Variants in CHST11 observed in about 807,000 individuals in gnomAD.
CHST11 encodes carbohydrate sulfotransferase 11.
Under a neutral mutation model 30.4 loss-of-function variants are expected in CHST11, and 9 were observed. The ratio of observed to expected loss-of-function variants is 0.30; its 90% CI spans 0.18 to 0.52. The LOEUF (loss-of-function observed/expected upper bound fraction) is 0.52. Among genes scored for constraint, CHST11 ranks in the 20% least tolerant of loss-of-function variants. CHST11 has a pLI of 0.97. For missense variants in CHST11, 348 were observed against 460.6 expected (o/e 0.76, Z 2.24); for synonymous variants, 152 against 187.8 (o/e 0.81, Z 1.56).
chr12:104,727,534 T>G (rs1396747336), intron 2 of CHST11, among the ~76,000 whole-genome samples: 1 of 152,166 alleles, frequency 6.6e-6, no homozygotes, highest in Non-Finnish European at 1.5e-5. Flanking sequence ...GGAGCAGTGT[T>G]TTGGGTATTG....
intron 1 of CHST11, among the ~76,000 whole-genome samples, chr12:104,508,490 TG>T (rs1394723751): frequency 6.6e-6 from 1 of 152,244 alleles, no homozygotes; most frequent in Non-Finnish European, 1.5e-5. Flanking sequence ...ACATTTTCCC[TG>T]TTGCTGTTGA....
chr12:104,590,605 A>T (rs1262136252), intron 1 of CHST11, among the ~76,000 whole-genome samples: 1 of 152,236 alleles, frequency 6.6e-6, no homozygotes. Context: ...ATAAAAAGAC[A>T]GGAGAGAATC....
At chr12:104,519,071 G>GGTGTGTGTGT (rs10628757) in intron 1 of CHST11, among the ~76,000 whole-genome samples, 8,403 of 139,524 alleles carry the variant, frequency 0.06, 292 homozygotes, top group Admixed American at 0.097. Context: ...GGACTCTTGA[G>GGTGTGTGTGT]GTGTGTGTGT....
intron 2 of CHST11, among the ~76,000 whole-genome samples, chr12:104,620,495 CA>C (rs1311017504): frequency 6.6e-6 from 1 of 152,164 alleles, no homozygotes; most frequent in Non-Finnish European, 1.5e-5. Flanking sequence ...TTAACAGTAC[CA>C]AGAAATGGGC....
intron 2 of CHST11, among the ~76,000 whole-genome samples, chr12:104,643,638 A>ACG (rs144993181): frequency 1.5e-5 from 2 of 134,434 alleles, no homozygotes; most frequent in African/African-American, 5.0e-5. Context: ...CTTTTTCTTC[A>ACG]CACACACACA....
At chr12:104,666,751 T>C (rs2039646411) in intron 2 of CHST11, among the ~76,000 whole-genome samples, 1 of 152,118 alleles carries the variant, frequency 6.6e-6, no homozygotes. Flanking sequence ...GCTAGGGAAG[T>C]CCTGTGTGGA....
intron 1 of CHST11, among the ~76,000 whole-genome samples, chr12:104,464,527 A>G (rs956045612): frequency 9.9e-5 from 15 of 152,002 alleles, no homozygotes; most frequent in African/African-American, 3.6e-4. Context: ...TTTTAAAAAC[A>G]GGGCCTTGCT....
intron 2 of CHST11, among the ~76,000 whole-genome samples, chr12:104,649,685 A>G (rs1313139365): frequency 1.3e-5 from 2 of 152,256 alleles, no homozygotes; most frequent in African/African-American, 4.8e-5. Flanking sequence ...AATCTTTAGC[A>G]TGCCAACTCA....
intron 2 of CHST11, among the ~76,000 whole-genome samples, chr12:104,649,818 C>T (rs981902052): frequency 6.6e-6 from 1 of 152,214 alleles, no homozygotes; most frequent in Non-Finnish European, 1.5e-5. Context: ...ATGGGGAATG[C>T]AGCACTCAGC....
At chr12:104,628,257 T>C (rs575801641) in intron 2 of CHST11, among the ~76,000 whole-genome samples, 1 of 152,306 alleles carries the variant, frequency 6.6e-6, no homozygotes, top group African/African-American at 2.4e-5. Context: ...TCTTCCTGTG[T>C]TTCTTTTAAG....
chr12:104,608,027 C>A (rs1044981900), intron 2 of CHST11, among the ~76,000 whole-genome samples: 1 of 152,064 alleles, frequency 6.6e-6, no homozygotes. Context: ...ACTCTGGGAG[C>A]TTTTGGGAAA....
intron 2 of CHST11, among the ~76,000 whole-genome samples, chr12:104,689,546 T>C (rs1453729867): frequency 2.6e-5 from 4 of 152,256 alleles, no homozygotes; most frequent in Non-Finnish European, 5.9e-5. Flanking sequence ...ATTACGTGAT[T>C]AATCATTGCA....
intron 2 of CHST11, among the ~76,000 whole-genome samples, chr12:104,708,574 G>A (rs1475464184): frequency 6.6e-5 from 10 of 152,156 alleles, no homozygotes; most frequent in Non-Finnish European, 5.9e-5. Flanking sequence ...TGCTCAGGGT[G>A]TCCCTACTCC....
intron 2 of CHST11, among the ~76,000 whole-genome samples, chr12:104,721,984 G>T (rs1375693647): frequency 6.6e-6 from 1 of 152,140 alleles, no homozygotes; most frequent in Non-Finnish European, 1.5e-5. Flanking sequence ...TTGTTTGCCT[G>T]TTTGGTTTTG....
intron 1 of CHST11, among the ~76,000 whole-genome samples, chr12:104,563,927 G>T (rs2038536926): frequency 6.6e-6 from 1 of 152,104 alleles, no homozygotes; most frequent in African/African-American, 2.4e-5. Context: ...TCCACAGCCT[G>T]CTCTTAGTTA....
chr12:104,612,564 G>A (rs2039070134), intron 2 of CHST11, among the ~76,000 whole-genome samples: 1 of 152,194 alleles, frequency 6.6e-6, no homozygotes, highest in South Asian at 2.1e-4. Context: ...GTGCTGGGGT[G>A]AGAACTTCAA....
At position 104,760,795 on chromosome 12, in the gene CHST11, CT is replaced by C. The variant is rs1187875018; in HGVS notation, c.*2995del. Reference sequence around the variant, plus strand: ...ATTTTCTTTTCTAATGGCATTGAAACTTTAAAAAAAATGGATTCAACTGTTT... The same window carrying C: ...ATTTTCTTTTCTAATGGCATTGAAACTTAAAAAAAATGGATTCAACTGTTT... On this transcript the variant is annotated 3_prime_UTR_variant, in exon 3 of 3. Transcript: ENST00000303694. 1 of 152,094 alleles carries C rather than the reference CT, an allele frequency of 6.6e-6. No individual in the cohort carries two copies. The highest frequency in any genetic ancestry group is 1.5e-5 in the Non-Finnish European group (1 of 68,006). The allele number at this position is 152,094 out of a possible 1,614,324, so 9.4% of individuals were successfully genotyped here.
At chr12:104,719,259 A>G (rs1379392361) in intron 2 of CHST11, among the ~76,000 whole-genome samples, 6 of 152,168 alleles carry the variant, frequency 3.9e-5, no homozygotes, top group Non-Finnish European at 7.3e-5. Flanking sequence ...TGAGTTCTGG[A>G]GTCCCCATGT....
chr12:104,702,816 C>T (rs1446555281), intron 2 of CHST11, among the ~76,000 whole-genome samples: 2 of 152,196 alleles, frequency 1.3e-5, no homozygotes, highest in African/African-American at 4.8e-5. Flanking sequence ...TCTCCAAGGG[C>T]GGACAGCGGG....
Sources: gnomAD v4.1 joint callset for allele counts (sites outside exome capture counted in the v4.1 genomes callset) on GRCh38, gnomAD v4.1.1 for gene constraint, MANE v1.5 for transcripts, NCBI Gene and HGNC (gene_info 2026-07-23, HGNC 2026-07-21) for gene names.